The following KCNH5 variants were observed in gnomAD, a reference collection of about 807,000 sequenced individuals.
KCNH5 encodes the protein voltage-gated delayed rectifier potassium channel KCNH5.
KCNH5 carries 46 observed loss-of-function variants against 96.1 expected under a neutral mutation model. That is an observed-to-expected ratio of 0.48 (90% CI 0.38 to 0.61). The LOEUF (loss-of-function observed/expected upper bound fraction) is 0.61. Ranked by LOEUF, KCNH5 falls within the 20% of genes least tolerant of loss-of-function variation. The pLI is 0.00. For missense variants in KCNH5, 907 were observed against 1,225.8 expected, an observed-to-expected ratio of 0.74 and a Z score of 3.88; for synonymous variants, 439 against 449.8, an observed-to-expected ratio of 0.98 and a Z score of 0.30.
At chr14:62,996,532 A>C (rs1380554287) in intron 4 of KCNH5, among the ~76,000 whole-genome samples, 2 of 152,222 alleles carry the variant, frequency 1.3e-5, no homozygotes, top group East Asian at 3.8e-4. Context: ...AGCTTTTTCA[A>C]ATATCATTTT....
At chr14:62,859,717 C>A (rs1387958040) in intron 7 of KCNH5, among the ~76,000 whole-genome samples, 3 of 152,184 alleles carry the variant, frequency 2.0e-5, no homozygotes, top group Non-Finnish European at 4.4e-5. Flanking sequence ...TGAAGTTCTG[C>A]CCACTGGGAA....
At chr14:62,803,718 AT>A (rs1886710714) in intron 8 of KCNH5, among the ~76,000 whole-genome samples, 1 of 152,182 alleles carries the variant, frequency 6.6e-6, no homozygotes, top group South Asian at 2.1e-4. Flanking sequence ...TAAAATGGAC[AT>A]TATCATCATA....
intron 10 of KCNH5, among the ~76,000 whole-genome samples, chr14:62,711,373 CAG>C (rs1441694264): frequency 1.3e-5 from 2 of 152,134 alleles, no homozygotes; most frequent in African/African-American, 4.8e-5. Flanking sequence ...ACAAATGAGA[CAG>C]AGCTGGATCT....
chr14:62,912,213 A>G (rs147348377), intron 7 of KCNH5, among the ~76,000 whole-genome samples: 1 of 152,118 alleles, frequency 6.6e-6, no homozygotes, highest in East Asian at 1.9e-4. Context: ...TGTCCCTCAC[A>G]TAATAAATCT....
chr14:62,928,704 C>A (rs1566711339), intron 7 of KCNH5, among the ~76,000 whole-genome samples: 2 of 152,016 alleles, frequency 1.3e-5, no homozygotes, highest in Non-Finnish European at 1.5e-5. Flanking sequence ...GTAAGAGGAA[C>A]TTCCCATGGC....
intron 1 of KCNH5, among the ~76,000 whole-genome samples, chr14:63,041,588 T>C (rs111885041): frequency 5.9e-5 from 9 of 152,272 alleles, no homozygotes; most frequent in African/African-American, 1.9e-4. Flanking sequence ...CTATATTTAC[T>C]AGAATCACAT....
At chr14:62,978,020 G>A (rs1376958169) in intron 6 of KCNH5, among the ~76,000 whole-genome samples, 1 of 152,174 alleles carries the variant, frequency 6.6e-6, no homozygotes, top group African/African-American at 2.4e-5. Context: ...CACTGACGGG[G>A]AAGAGCCCTG....
At position 62,950,148 on chromosome 14, in the gene KCNH5, T is replaced by C. The variant is rs1262434546; in HGVS notation, c.1354A>G (p.Met452Val). The change falls in exon 7 of 11, where the codon ATG becomes GTG. Residue 452 changes from methionine (M) to valine (V), a missense_variant. By Grantham distance (21) the Met-to-Val change is conservative. This residue lies in a region of KCNH5 where 370 missense variants were observed against 561.3 expected (regional missense o/e 0.66). Transcript: ENST00000322893. Reference protein sequence around the residue: ...TDVEKMFSVAMMMVGSLLYAT... With the variant: ...TDVEKMFSVAVMMVGSLLYAT... ...AAATACTTACAGCCAACCATCATCA[T>C]AGCCACCGAAAACATCTTCTCCACA... 2.5e-6 allele frequency: 4 copies of C among 1,613,886 alleles called. No homozygotes were observed. The highest frequency in any genetic ancestry group is 4.5e-5 in the East Asian group (2 of 44,848).
intron 7 of KCNH5, among the ~76,000 whole-genome samples, chr14:62,863,266 T>C (rs987507055): frequency 6.6e-6 from 1 of 152,176 alleles, no homozygotes; most frequent in African/African-American, 2.4e-5. Context: ...TAAACTTAAA[T>C]ATTCTCCTTG....
intron 10 of KCNH5, among the ~76,000 whole-genome samples, chr14:62,764,243 A>G (rs1885813688): frequency 6.6e-6 from 1 of 152,254 alleles, no homozygotes; most frequent in South Asian, 2.1e-4. Context: ...AATGTGATTC[A>G]TTACATAAGC....
At chr14:62,798,493 G>T (rs1886584904) in intron 9 of KCNH5, among the ~76,000 whole-genome samples, 1 of 152,064 alleles carries the variant, frequency 6.6e-6, no homozygotes, top group African/African-American at 2.4e-5. Context: ...AGACATTAAA[G>T]AATATAAAAT....
intron 10 of KCNH5, among the ~76,000 whole-genome samples, chr14:62,778,863 T>G (rs1284040570): frequency 6.6e-6 from 1 of 152,248 alleles, no homozygotes; most frequent in Non-Finnish European, 1.5e-5. Flanking sequence ...TTACATTGAT[T>G]TAATTATGTT....
chr14:62,780,325 A>G (rs1382408417), intron 9 of KCNH5, among the ~76,000 whole-genome samples: 1 of 152,228 alleles, frequency 6.6e-6, no homozygotes, highest in African/African-American at 2.4e-5. Context: ...CTGCTGTAAC[A>G]GCCTTTATAA....
intron 7 of KCNH5, among the ~76,000 whole-genome samples, chr14:62,902,852 T>C (rs1449124588): frequency 6.6e-6 from 1 of 151,968 alleles, no homozygotes; most frequent in Admixed American, 6.6e-5. Context: ...CCCGAGTAGC[T>C]GGGATTACAG....
chr14:62,849,423 C>A (rs779715416), intron 8 of KCNH5, among the ~76,000 whole-genome samples: 1 of 152,130 alleles, frequency 6.6e-6, no homozygotes, highest in African/African-American at 2.4e-5. Flanking sequence ...TTTTCACGAA[C>A]TGAATTTTCT....
intron 4 of KCNH5, among the ~76,000 whole-genome samples, chr14:62,993,308 G>A (rs377511135): frequency 6.6e-6 from 1 of 151,860 alleles, no homozygotes; most frequent in African/African-American, 2.4e-5. Flanking sequence ...GGTTTTTTTA[G>A]TTCCATATGA....
At chr14:62,943,172 T>C (rs1157824435) in intron 7 of KCNH5, among the ~76,000 whole-genome samples, 2 of 152,134 alleles carry the variant, frequency 1.3e-5, no homozygotes, top group Admixed American at 1.3e-4. Context: ...TATAATGAAA[T>C]ATGCAGATGT....
At chr14:62,791,667 C>T (rs549510780) in intron 9 of KCNH5, among the ~76,000 whole-genome samples, 3 of 151,562 alleles carry the variant, frequency 2.0e-5, no homozygotes, top group African/African-American at 7.3e-5. Flanking sequence ...AAAACTGTCA[C>T]AAGAGACAAA....
At chr14:62,729,155 A>T (rs1884998350) in intron 10 of KCNH5, among the ~76,000 whole-genome samples, 1 of 152,128 alleles carries the variant, frequency 6.6e-6, no homozygotes, top group Admixed American at 6.5e-5. Flanking sequence ...AGCCTCAGTC[A>T]CCTTATCTGG....
Sources: gnomAD v4.1 joint callset for allele counts (sites outside exome capture counted in the v4.1 genomes callset) on GRCh38, gnomAD v4.1.1 for gene constraint, gnomAD v4.1.1 regional missense constraint, MANE v1.5 for transcripts, NCBI Gene and HGNC (gene_info 2026-07-23, HGNC 2026-07-21) for gene names.